Variants in TENM3 observed in about 807,000 individuals in gnomAD.
The protein encoded by TENM3 is teneurin-3.
TENM3 carries 63 observed loss-of-function variants against 255.1 expected under a neutral mutation model. That is an observed-to-expected ratio of 0.25 (90% CI 0.20 to 0.30). The LOEUF (loss-of-function observed/expected upper bound fraction) is 0.30, where lower values mean the gene tolerates loss of function less well. TENM3 is among the 10% of genes least tolerant of loss of function. The probability of loss-of-function intolerance (pLI) is 1.00; values close to 1 mark genes in which losing one functional copy is unlikely to be tolerated. For synonymous variants in TENM3, 1,306 were observed against 1,322.3 expected (o/e 0.99, Z 0.27); for missense variants, 2,929 against 3,461.1 (o/e 0.85, Z 3.86).
At chr4:181,485,489 T>TTAA in the TENM3 span, among the ~76,000 whole-genome samples, 8,267 of 151,534 alleles carry the variant, frequency 0.055, 686 homozygotes, top group African/African-American at 0.18. Context: ...AGATTTTTTT[T>TTAA]AAAAAAAAGA....
the TENM3 span, among the ~76,000 whole-genome samples, chr4:182,066,062 T>C: frequency 6.6e-6 from 1 of 152,208 alleles, no homozygotes; most frequent in East Asian, 1.9e-4. Flanking sequence ...TTTAACTTTT[T>C]GATGAACAGC....
At chr4:181,608,835 A>AGCTTTTC in the TENM3 span, among the ~76,000 whole-genome samples, 1 of 152,174 alleles carries the variant, frequency 6.6e-6, no homozygotes, top group Non-Finnish European at 1.5e-5. Flanking sequence ...GACATTGGAA[A>AGCTTTTC]AGCTTAGCAT....
the TENM3 span, among the ~76,000 whole-genome samples, chr4:181,767,123 G>A: frequency 1.4e-5 from 2 of 145,406 alleles, no homozygotes; most frequent in African/African-American, 2.6e-5. Flanking sequence ...GTGGTGGCGG[G>A]CGCCTGTAGT....
intron 3 of TENM3, among the ~76,000 whole-genome samples, chr4:182,582,130 T>C (rs1326034002): frequency 6.6e-6 from 1 of 152,220 alleles, no homozygotes. Flanking sequence ...GACTGGGGTC[T>C]CCACACTGGC....
chr4:181,613,583 G>A, the TENM3 span, among the ~76,000 whole-genome samples: 4 of 152,196 alleles, frequency 2.6e-5, no homozygotes, highest in Non-Finnish European at 4.4e-5. Context: ...CAGCTATGCC[G>A]CTGACTTTGT....
At chr4:181,699,472 A>AAAAAAAAAAAAAAAAAAAAAAAAAAT in the TENM3 span, among the ~76,000 whole-genome samples, 5 of 133,054 alleles carry the variant, frequency 3.8e-5, no homozygotes, top group African/African-American at 1.5e-4. Flanking sequence ...AAAAAAAAAA[A>AAAAAAAAAAAAAAAAAAAAAAAAAAT]GAAAGAAAGA....
At chr4:182,037,779 G>C in the TENM3 span, among the ~76,000 whole-genome samples, 6 of 152,246 alleles carry the variant, frequency 3.9e-5, 2 homozygotes, top group Admixed American at 3.9e-4. Flanking sequence ...TTGAAACTTG[G>C]TGAGGAGCAT....
At chr4:182,293,237 T>G (rs1338891588) in intron 1 of TENM3, among the ~76,000 whole-genome samples, 1 of 152,128 alleles carries the variant, frequency 6.6e-6, no homozygotes, top group African/African-American at 2.4e-5. Flanking sequence ...CCCATCTTCC[T>G]CCACTGCCCA....
At chr4:181,823,730 A>G in the TENM3 span, among the ~76,000 whole-genome samples, 2 of 152,180 alleles carry the variant, frequency 1.3e-5, no homozygotes, top group Admixed American at 6.5e-5. Context: ...CATTCTTACT[A>G]TAAGTATTGA....
At chr4:181,663,502 G>GA in the TENM3 span, among the ~76,000 whole-genome samples, 2 of 152,094 alleles carry the variant, frequency 1.3e-5, no homozygotes, top group Non-Finnish European at 2.9e-5. Flanking sequence ...CTTATGTAGA[G>GA]AAAAAATATT....
chr4:182,114,138 C>G, the TENM3 span, among the ~76,000 whole-genome samples: 21,945 of 152,184 alleles, frequency 0.14, 1,868 homozygotes, highest in Non-Finnish European at 0.19. Flanking sequence ...CTGTCTATAT[C>G]TAAACCACTA....
the TENM3 span, among the ~76,000 whole-genome samples, chr4:181,880,457 A>G: frequency 6.6e-6 from 1 of 152,224 alleles, no homozygotes; most frequent in Non-Finnish European, 1.5e-5. Context: ...AAGGTTTAAA[A>G]AAGACATAGA....
intron 3 of TENM3, among the ~76,000 whole-genome samples, chr4:182,449,836 G>A (rs918434406): frequency 6.6e-6 from 1 of 152,224 alleles, no homozygotes; most frequent in Non-Finnish European, 1.5e-5. Context: ...TGCAAAGATA[G>A]TTGGAGATGG....
the TENM3 span, among the ~76,000 whole-genome samples, chr4:182,037,005 T>C: frequency 6.6e-6 from 1 of 152,172 alleles, no homozygotes; most frequent in Non-Finnish European, 1.5e-5. Flanking sequence ...TATATACTTT[T>C]TAAAAAGTAT....
At chr4:182,140,054 G>T (rs1421955164), upstream of TENM3, among the ~76,000 whole-genome samples, 1 of 152,196 alleles carries the variant, frequency 6.6e-6, no homozygotes. Context: ...TTGTTTTATA[G>T]TTCCCTCAAT....
chr4:182,444,664 CT>C (rs1186115556), intron 3 of TENM3, among the ~76,000 whole-genome samples: 2 of 152,074 alleles, frequency 1.3e-5, no homozygotes, highest in African/African-American at 4.8e-5. Flanking sequence ...AGGACTATCC[CT>C]TTTTTTATTT....
the TENM3 span, among the ~76,000 whole-genome samples, chr4:182,101,094 G>A: frequency 2.3e-5 from 1 of 44,152 alleles, no homozygotes; most frequent in Non-Finnish European, 5.3e-5. Context: ...GAGGGAGGGA[G>A]GGAGGGAGGG....
At chr4:182,629,771 A>G (rs543782978) in intron 5 of TENM3, among the ~76,000 whole-genome samples, 15 of 152,176 alleles carry the variant, frequency 9.9e-5, no homozygotes, top group Non-Finnish European at 2.1e-4. Context: ...GAATAAGAGT[A>G]TTGCAGAGCT....
At chr4:181,635,637 G>T in the TENM3 span, among the ~76,000 whole-genome samples, 1 of 152,164 alleles carries the variant, frequency 6.6e-6, no homozygotes, top group Non-Finnish European at 1.5e-5. Flanking sequence ...AACTTCTATG[G>T]GCTGAGAGGG....
Sources: allele counts gnomAD v4.1 joint callset (sites outside exome capture counted in the v4.1 genomes callset), GRCh38; gene constraint gnomAD v4.1.1; transcripts MANE v1.5; gene names NCBI Gene and HGNC (gene_info 2026-07-23, HGNC 2026-07-21).